The following GNPAT variants were observed in gnomAD, a reference collection of about 807,000 sequenced individuals.
The protein encoded by GNPAT is dihydroxyacetone phosphate acyltransferase.
A neutral mutation model predicts 78.4 loss-of-function variants in GNPAT; 30 were observed. The observed-to-expected ratio is 0.38, with a 90% confidence interval of 0.29 to 0.52. The LOEUF is 0.52. Ranked by LOEUF, GNPAT falls within the 20% of genes least tolerant of loss-of-function variation. GNPAT has a pLI of 0.84. For missense variants in GNPAT, 714 were observed against 812.2 expected (o/e 0.88, Z 1.47); for synonymous variants, 271 against 281.1 (o/e 0.96, Z 0.36).
At chr1:231,246,911 T>C (rs376112290) in intron 1 of GNPAT, among the ~76,000 whole-genome samples, 2 of 152,332 alleles carry the variant, frequency 1.3e-5, no homozygotes, top group South Asian at 2.1e-4. Context: ...GGCTCACGCC[T>C]GTAATCCCAG....
intron 2 of GNPAT, among the ~76,000 whole-genome samples, chr1:231,258,929 G>A (rs1685143933): frequency 4.6e-5 from 7 of 151,698 alleles, no homozygotes; most frequent in Non-Finnish European, 2.9e-5. Context: ...GAGCCACCAC[G>A]CCCAGCCAAC....
At chr1:231,264,187 G>A (rs1685307216) in intron 4 of GNPAT, among the ~76,000 whole-genome samples, 2 of 152,140 alleles carry the variant, frequency 1.3e-5, no homozygotes, top group East Asian at 3.8e-4. Flanking sequence ...AGGTCATGAA[G>A]CTTTTCCCTT....
intron 9 of GNPAT, chr1:231,269,903 T>A (rs889022335): frequency 6.6e-6 from 1 of 152,216 alleles, no homozygotes; most frequent in Non-Finnish European, 1.5e-5. Context: ...CTCAAGCTTT[T>A]TATGATCATT....
intron 8 of GNPAT, among the ~76,000 whole-genome samples, chr1:231,266,803 T>A (rs2102819267): frequency 6.6e-6 from 1 of 152,294 alleles, no homozygotes; most frequent in South Asian, 2.1e-4. Context: ...TGAATGGGAG[T>A]GAGTCCTTAG....
chr1:231,267,305 T>C (rs1459540798), intron 8 of GNPAT, among the ~76,000 whole-genome samples: 1 of 152,216 alleles, frequency 6.6e-6, no homozygotes, highest in East Asian at 1.9e-4. Flanking sequence ...ATCTGTTAAG[T>C]GTGTTCTACA....
rs927377610 is a variant in GNPAT, at chr1:231,241,447, C to T, written c.69C>T (p.Leu23=). 6 of 1,611,940 alleles carry T rather than the reference C, an allele frequency of 3.7e-6. No individual in the cohort carries two copies. Among genetic ancestry groups the T allele is most frequent in the Non-Finnish European group, 5.1e-6 (6 of 1,178,084 alleles). Residue 23 remains leucine (L), a synonymous_variant, in exon 1 of 16, where the codon CTC becomes CTT. Coordinates refer to ENST00000366647, the MANE Select transcript of GNPAT (RefSeq NM_014236.4). ...VGPTSPSAVV[L]LYSKELKKWD... is the part of the protein sequence containing the mutation. Reference sequence around the variant, plus strand: ...CAACCAGTCCCAGCGCTGTCGTGCTCCTCTACTCGGTAGGCGCCCAGGGAA... The same window carrying T: ...CAACCAGTCCCAGCGCTGTCGTGCTTCTCTACTCGGTAGGCGCCCAGGGAA...
At chr1:231,245,067 T>G (rs1293794473) in intron 1 of GNPAT, among the ~76,000 whole-genome samples, 3 of 152,228 alleles carry the variant, frequency 2.0e-5, no homozygotes, top group Non-Finnish European at 4.4e-5. Flanking sequence ...TGGCATGCTA[T>G]GTTTTCTCAG....
chr1:231,271,047 T>C (rs1685551279), intron 10 of GNPAT, 47 bp downstream of exon 10: 2 of 1,600,596 alleles, frequency 1.2e-6, no homozygotes, highest in Non-Finnish European at 1.7e-6. Context: ...GGTCTGGCCA[T>C]TCCATTCCAT....
At chr1:231,259,548 A>G (rs1017754550) in intron 2 of GNPAT, among the ~76,000 whole-genome samples, 2 of 151,858 alleles carry the variant, frequency 1.3e-5, no homozygotes, top group African/African-American at 2.4e-5. Flanking sequence ...TCGGGAGGCT[A>G]AGGCAGGAGA....
chr1:231,268,483 C>T (rs1167237550), intron 9 of GNPAT, among the ~76,000 whole-genome samples: 1 of 151,270 alleles, frequency 6.6e-6, no homozygotes, highest in Non-Finnish European at 1.5e-5. Flanking sequence ...AAAATAAAGT[C>T]ATGAATCCTA....
Position 231,265,759 on chromosome 1 carries a change from C to G in GNPAT, c.744C>G (p.Arg248=). ...VEFFLEGTRS[R]SAKTLTPKFG... is the part of the protein sequence containing the mutation. Reference sequence around the variant, plus strand: ...TTTTCCTCGAAGGGACAAGAAGCCGCTCTGCCAAGACATTGACTCCTAAAT... The same window carrying G: ...TTTTCCTCGAAGGGACAAGAAGCCGGTCTGCCAAGACATTGACTCCTAAAT... Residue 248 remains arginine, a synonymous_variant, in exon 6 of 16, where the codon CGC becomes CGG. Coordinates refer to ENST00000366647, the MANE Select transcript of GNPAT (RefSeq NM_014236.4). 6.2e-7 allele frequency: 1 copy of G among 1,605,234 alleles called. No individual in the cohort carries two copies. Among genetic ancestry groups the G allele is most frequent in the Non-Finnish European group, 8.5e-7 (1 of 1,171,860 alleles).
chr1:231,254,005 G>T (rs1684971958), intron 2 of GNPAT, among the ~76,000 whole-genome samples: 1 of 152,186 alleles, frequency 6.6e-6, no homozygotes, highest in African/African-American at 2.4e-5. Context: ...TAGAGACAGG[G>T]TTTCATCATG....
At chr1:231,257,304 C>T (rs985556366) in intron 2 of GNPAT, among the ~76,000 whole-genome samples, 4 of 152,062 alleles carry the variant, frequency 2.6e-5, no homozygotes, top group African/African-American at 7.2e-5. Flanking sequence ...TATTCTGCCT[C>T]GTTTCCCTCT....
intron 1 of GNPAT, among the ~76,000 whole-genome samples, chr1:231,242,535 A>G: frequency 6.6e-6 from 1 of 152,310 alleles, no homozygotes; most frequent in African/African-American, 2.4e-5. Context: ...TATAAGCCTT[A>G]TTATTTAGAT....
intron 2 of GNPAT, among the ~76,000 whole-genome samples, chr1:231,257,857 G>A (rs754455588): frequency 6.6e-6 from 1 of 152,106 alleles, no homozygotes; most frequent in Non-Finnish European, 1.5e-5. Flanking sequence ...CTTAGCCCCT[G>A]TACTTTACTG....
Position 231,250,983 on chromosome 1 carries a change from A to C in GNPAT, c.101A>C (p.Glu34Ala). ...LYSKELKKWDEFEDILEERRH... is the reference protein window; with the variant it reads ...LYSKELKKWDAFEDILEERRH... ...CAGAAGGAGCTCAAAAAGTGGGATGAGTTTGAAGATATTTTAGAAGAGAGG... is the reference window on the plus strand; with the variant it reads ...CAGAAGGAGCTCAAAAAGTGGGATGCGTTTGAAGATATTTTAGAAGAGAGG... The change falls in exon 2 of 16, where the codon GAG becomes GCG. Residue 34 changes from glutamate to alanine, a missense_variant. Transcript: ENST00000366647. The C allele has an allele frequency of 6.2e-7, 1 of 1,611,440 alleles. No individual in the cohort carries two copies. Among genetic ancestry groups the C allele is most frequent in the Non-Finnish European group, 8.5e-7 (1 of 1,177,880 alleles).
At position 231,270,967 on chromosome 1, in the gene GNPAT, G is replaced by A. The variant is rs1685549587; in HGVS notation, c.1489G>A (p.Val497Ile). 6.2e-7 allele frequency: 1 copy of A among 1,614,124 alleles called. No homozygotes were observed. Among genetic ancestry groups the A allele is most frequent in the South Asian group, 1.1e-5 (1 of 91,082 alleles). ...NIFVRPSLVAVALQMTPGFRK... is the reference protein window; with the variant it reads ...NIFVRPSLVAIALQMTPGFRK... Reference sequence around the variant, plus strand: ...TTTTGTGCGCCCATCCTTAGTAGCAGTAGCATTGCAGATGACACCAGGGTT... The same window carrying A: ...TTTTGTGCGCCCATCCTTAGTAGCAATAGCATTGCAGATGACACCAGGGTT... The change falls in exon 10 of 16, where the codon GTA (valine) becomes ATA (isoleucine). Residue 497 changes from valine (V) to isoleucine (I), a missense_variant. Transcript: ENST00000366647.
At chr1:231,273,356 A>G (rs1355672379) in intron 11 of GNPAT, among the ~76,000 whole-genome samples, 3 of 145,148 alleles carry the variant, frequency 2.1e-5, no homozygotes, top group Non-Finnish European at 4.5e-5. Flanking sequence ...GGTTCACTCC[A>G]TTCTCCTGCC....
chr1:231,247,941 G>A (rs550178459), intron 1 of GNPAT, among the ~76,000 whole-genome samples: 10 of 152,280 alleles, frequency 6.6e-5, no homozygotes, highest in Admixed American at 5.2e-4. Flanking sequence ...ACAGAACCAC[G>A]GAAGGATTGT....
Sources: allele counts gnomAD v4.1 joint callset (sites outside exome capture counted in the v4.1 genomes callset), GRCh38; gene constraint gnomAD v4.1.1; transcripts MANE v1.5; gene names NCBI Gene and HGNC (gene_info 2026-07-23, HGNC 2026-07-21).